Variants in DYNC2I2 observed in about 807,000 individuals in gnomAD.
The protein encoded by DYNC2I2 is cytoplasmic dynein 2 intermediate chain 2.
DYNC2I2 carries 39 observed loss-of-function variants against 52.0 expected under a neutral mutation model. The observed-to-expected ratio is 0.75, with a 90% CI of 0.58 to 0.98. The LOEUF (loss-of-function observed/expected upper bound fraction) is 0.98, where lower values mean the gene tolerates loss of function less well. Among genes scored for constraint, DYNC2I2 ranks in the 50% least tolerant of loss-of-function variants. DYNC2I2 has a pLI of 0.00. For synonymous variants in DYNC2I2, 359 were observed against 321.1 expected, an observed-to-expected ratio of 1.12 and a Z score of -1.26; for missense variants, 743 against 728.4, an observed-to-expected ratio of 1.02 and a Z score of -0.23.
rs142560223 is a variant in DYNC2I2 at position 128,650,220 on chromosome 9, C to T, written c.186+6321G>A. 5.0e-4 allele frequency among the ~76,000 whole-genome samples: 28 copies of T among 55,552 alleles called. 11 individuals carry two copies. The highest frequency in any genetic ancestry group is 1.0e-3 in the African/African-American group (28 of 27,924). The allele number at this position is 55,552 out of a possible 152,430, so 36.4% of individuals were successfully genotyped here. On this transcript the variant is annotated intron_variant, in intron 1 of 8. Transcript: ENST00000372715. ...TTCCAGGGCATTCCAGTGTTGACTA[C>T]CTTTGAGAAGAGGAATGAGGAGGCC...
the DYNC2I2 span, among the ~76,000 whole-genome samples, chr9:128,676,839 G>T: frequency 9.7e-5 from 14 of 144,310 alleles, no homozygotes; most frequent in Non-Finnish European, 1.7e-4. Flanking sequence ...GGCCCCAGCT[G>T]TTTTTTTTTT....
the DYNC2I2 span, among the ~76,000 whole-genome samples, chr9:128,674,522 T>G: frequency 3.3e-5 from 5 of 151,348 alleles, no homozygotes; most frequent in African/African-American, 7.3e-5. Flanking sequence ...GGACGGTGGA[T>G]CACAAGGTAA....
At position 128,635,768 on chromosome 9, in the gene DYNC2I2, C is replaced by T; in HGVS notation, c.704-1G>A. On this transcript the variant is annotated splice_acceptor_variant, in intron 4 of 8. Transcript: ENST00000372715. LOFTEE classifies it high-confidence loss of function. ...AACACCTCACCACTGTACAGCCCTC[C>T]TGCAGGGACAGTGGACCTGGGCAGA... The T allele has an allele frequency of 6.2e-7, 1 of 1,610,490 alleles. No individual in the cohort carries two copies. The highest frequency in any genetic ancestry group is 8.5e-7 in the Non-Finnish European group (1 of 1,178,262).
chr9:128,668,684 G>A, the DYNC2I2 span, among the ~76,000 whole-genome samples: 1 of 151,842 alleles, frequency 6.6e-6, no homozygotes, highest in African/African-American at 2.4e-5. Context: ...AGCAGGGATG[G>A]TGGCATGCAC....
At position 128,649,688 on chromosome 9, in the gene DYNC2I2, C is replaced by CAAAAAAAAAAAAAAAA; in HGVS notation, c.186+6837_186+6852dup. On this transcript the variant is annotated intron_variant, in intron 1 of 8. Coordinates refer to ENST00000372715, the MANE Select transcript of DYNC2I2 (RefSeq NM_052844.4). The stretch of plus-strand genomic sequence containing the variant: ...TGGGCAAGACAGTGAGACTCCATCT[C>CAAAAAAAAAAAAAAAA]AAAAAAAAAAAAAAAAAAAAACTGG... 3.2e-4 allele frequency among the ~76,000 whole-genome samples: 15 copies of CAAAAAAAAAAAAAAAA among 47,228 alleles called. 3 individuals are homozygous for CAAAAAAAAAAAAAAAA. Among genetic ancestry groups the CAAAAAAAAAAAAAAAA allele is most frequent in the African/African-American group, 1.9e-3 (14 of 7,322 alleles). 31.0% of individuals were successfully genotyped at this position (47,228 alleles called of 152,430 possible). A position where few individuals can be genotyped will look rare whatever the true frequency, so the allele number is the denominator to read the frequency against.
chr9:128,644,569 G>A (rs1455800037), intron 1 of DYNC2I2, among the ~76,000 whole-genome samples: 5 of 152,036 alleles, frequency 3.3e-5, no homozygotes, highest in Admixed American at 6.6e-5. Flanking sequence ...GTGAGCCACC[G>A]CACCTGTCCA....
chr9:128,649,730 C>T (rs1860690415), intron 1 of DYNC2I2, among the ~76,000 whole-genome samples: 1 of 127,824 alleles, frequency 7.8e-6, no homozygotes. Flanking sequence ...TGCAGTGGCT[C>T]ACACCTGTAA....
upstream of DYNC2I2, among the ~76,000 whole-genome samples, chr9:128,659,838 G>A (rs1192929987): frequency 6.6e-6 from 1 of 151,630 alleles, no homozygotes; most frequent in Non-Finnish European, 1.5e-5. Flanking sequence ...AACCTGGGAG[G>A]TGGAAGTGGC....
At chr9:128,646,268 T>G (rs1447724601) in intron 1 of DYNC2I2, among the ~76,000 whole-genome samples, 1 of 152,212 alleles carries the variant, frequency 6.6e-6, no homozygotes, top group Non-Finnish European at 1.5e-5. Context: ...CAGGCTGGAG[T>G]GCAGTGGTGT....
the DYNC2I2 span, among the ~76,000 whole-genome samples, chr9:128,664,813 C>G: frequency 2.3e-3 from 347 of 151,574 alleles, 2 homozygotes; most frequent in African/African-American, 7.9e-3. Flanking sequence ...ATTATACATG[C>G]AGCACCAATT....
At chr9:128,650,030 G>A (rs148436408) in intron 1 of DYNC2I2, among the ~76,000 whole-genome samples, 1 of 57,058 alleles carries the variant, frequency 1.8e-5, no homozygotes, top group Non-Finnish European at 7.4e-5. Context: ...AAAAACTACT[G>A]GAAAGCAGCT....
At chr9:128,648,543 T>C (rs1589435167) in intron 1 of DYNC2I2, among the ~76,000 whole-genome samples, 1 of 146,208 alleles carries the variant, frequency 6.8e-6, no homozygotes, top group Non-Finnish European at 1.5e-5. Context: ...CCTAGGCCTT[T>C]GGGAGGCCGA....
chr9:128,639,902 G>A (rs1021761803), intron 2 of DYNC2I2, among the ~76,000 whole-genome samples: 5 of 152,072 alleles, frequency 3.3e-5, no homozygotes, highest in African/African-American at 9.7e-5. Flanking sequence ...CCAACCTCAG[G>A]TGATCCACCC....
intron 1 of DYNC2I2, among the ~76,000 whole-genome samples, chr9:128,641,403 A>G (rs1259914323): frequency 2.0e-5 from 3 of 152,050 alleles, no homozygotes; most frequent in African/African-American, 7.2e-5. Flanking sequence ...CACCCGGGTA[A>G]GCAACAGCAG....
At chr9:128,673,134 G>A in the DYNC2I2 span, among the ~76,000 whole-genome samples, 2 of 152,182 alleles carry the variant, frequency 1.3e-5, no homozygotes, top group Admixed American at 6.6e-5. Flanking sequence ...CTGCTCAGAT[G>A]TTTATCACAG....
At chr9:128,635,067 G>A in intron 6 of DYNC2I2, 25 bp downstream of exon 6, 1 of 1,600,850 alleles carries the variant, frequency 6.2e-7, no homozygotes. Context: ...GCGCAGGCCA[G>A]GGCAGTTTCC....
At chr9:128,681,554 C>G in the DYNC2I2 span, among the ~76,000 whole-genome samples, 1 of 152,276 alleles carries the variant, frequency 6.6e-6, no homozygotes, top group African/African-American at 2.4e-5. Context: ...AACATTGGTG[C>G]ACGTTATGCA....
chr9:128,635,342 T>C (rs1860375737), intron 5 of DYNC2I2, 83 bp from the exon 6 acceptor site: 2 of 1,462,858 alleles, frequency 1.4e-6, no homozygotes, highest in African/African-American at 1.4e-5. Context: ...CTCCCTCTCT[T>C]CCAGGAAAAA....
At chr9:128,646,623 A>G (rs565345157) in intron 1 of DYNC2I2, among the ~76,000 whole-genome samples, 1 of 152,318 alleles carries the variant, frequency 6.6e-6, no homozygotes, top group East Asian at 1.9e-4. Flanking sequence ...GTTAGGGGCT[A>G]ATGCAGCTGA....
Sources: gnomAD v4.1 joint callset for allele counts (sites outside exome capture counted in the v4.1 genomes callset) on GRCh38, gnomAD v4.1.1 for gene constraint, MANE v1.5 for transcripts, NCBI Gene and HGNC (gene_info 2026-07-23, HGNC 2026-07-21) for gene names.